Variants in SHPK observed in about 807,000 individuals in gnomAD.
The protein encoded by SHPK is carbohydrate kinase-like protein.
SHPK carries 51 observed loss-of-function variants against 46.3 expected under a neutral mutation model. The ratio of observed to expected loss-of-function variants is 1.10; its 90% CI spans 0.88 to 1.39. SHPK has a LOEUF of 1.39. Among genes scored for constraint, SHPK ranks in the 40% most tolerant of loss-of-function variants. The probability of loss-of-function intolerance (pLI) is 0.00; values close to 1 mark genes in which losing one functional copy is unlikely to be tolerated. For synonymous variants in SHPK, 290 were observed against 273.9 expected, an observed-to-expected ratio of 1.06 and a Z score of -0.58; for missense variants, 668 against 641.3, an observed-to-expected ratio of 1.04 and a Z score of -0.45.
intron 5 of SHPK, among the ~76,000 whole-genome samples, chr17:3,615,978 C>A (rs147778962): frequency 0.014 from 2,100 of 151,606 alleles, 40 homozygotes; most frequent in East Asian, 0.071. Flanking sequence ...CTCAACCTCT[C>A]AAGTAGCTGC....
chr17:3,619,581 A>T (rs979641620), intron 5 of SHPK: 6 of 442,226 alleles, frequency 1.4e-5, no homozygotes, highest in African/African-American at 6.1e-5. Flanking sequence ...AAAAATGCAA[A>T]CATTAACCAG....
intron 2 of SHPK, among the ~76,000 whole-genome samples, chr17:3,629,498 C>T (rs1487333738): frequency 6.6e-6 from 1 of 151,996 alleles, no homozygotes; most frequent in African/African-American, 2.4e-5. Context: ...TGGGAGGCTG[C>T]CGGTGGATCA....
chr17:3,625,960 G>C (rs1457054830), intron 2 of SHPK, among the ~76,000 whole-genome samples: 2 of 152,152 alleles, frequency 1.3e-5, no homozygotes, highest in Non-Finnish European at 2.9e-5. Context: ...GGCTGAGGCA[G>C]GAGAATCGCT....
chr17:3,635,240 A>AGGAAGGAAGGAAGGAAGGGAG (rs1555556012), intron 1 of SHPK, among the ~76,000 whole-genome samples: 2 of 140,248 alleles, frequency 1.4e-5, no homozygotes, highest in East Asian at 2.4e-4. Context: ...GAAGGAAGGA[A>AGGAAGGAAGGAAGGAAGGGAG]GGAAGGGAAG....
chr17:3,615,566 C>T, intron 5 of SHPK, 29 bp from the exon 6 acceptor site: 1 of 1,604,156 alleles, frequency 6.2e-7, no homozygotes, highest in Non-Finnish European at 8.5e-7. Context: ...AGAGCTTAGG[C>T]CTGTCGGGCT....
chr17:3,615,154 G>A lies in SHPK; in HGVS notation c.1024+183C>T, dbSNP rs551607681. Among the ~76,000 whole-genome samples, 3 of 152,248 alleles carry A rather than the reference G, an allele frequency of 2.0e-5. No homozygotes were observed. The South Asian group carries it at 6.2e-4, about 32-fold the overall frequency. ...AAGAGTAGGTGATGGCAGCTTGGAG[G>A]ACAAGAAGAAAAGAGGCTGCAAGCT... is the stretch of plus-strand genomic sequence containing the variant. On this transcript the variant is annotated intron_variant, in intron 6 of 6. Transcript: ENST00000225519.
chr17:3,621,310 C>G lies in SHPK; in HGVS notation c.750G>C (p.Gly250=). 6.2e-7 allele frequency: 1 copy of G among 1,614,124 alleles called. No individual in the cohort carries two copies. Among genetic ancestry groups the G allele is most frequent in the South Asian group, 1.1e-5 (1 of 91,076 alleles). The part of the protein sequence containing the change: ...TSHMWFEIPK[G]TQVGVALGDL... ...CACCCAAGGCCACTCCCACCTGCGTCCCCTTTGGGATTTCAAACCACATGT... is the reference window on the plus strand; with the variant it reads ...CACCCAAGGCCACTCCCACCTGCGTGCCCTTTGGGATTTCAAACCACATGT... The change falls in exon 5 of 7, where the codon GGG becomes GGC. Residue 250 remains glycine (G), a synonymous_variant. Coordinates refer to ENST00000225519, the MANE Select transcript of SHPK (RefSeq NM_013276.4).
chr17:3,620,431 T>C (rs1044284674), intron 5 of SHPK, among the ~76,000 whole-genome samples: 14 of 151,848 alleles, frequency 9.2e-5, no homozygotes, highest in African/African-American at 2.9e-4. Flanking sequence ...TGGCTAATTT[T>C]TTCTATTTTT....
chr17:3,635,860 GGGAA>G (rs1490427212), intron 1 of SHPK, among the ~76,000 whole-genome samples, 188 bp downstream of exon 1: 2 of 152,182 alleles, frequency 1.3e-5, no homozygotes, highest in Non-Finnish European at 2.9e-5. Context: ...CCCAGCAGGT[GGGAA>G]GGATTCTGGG....
At chr17:3,629,343 C>T (rs2075456376) in intron 2 of SHPK, among the ~76,000 whole-genome samples, 1 of 152,102 alleles carries the variant, frequency 6.6e-6, no homozygotes, top group African/African-American at 2.4e-5. Flanking sequence ...AGGTTCTCCT[C>T]CTCAAGGCCA....
At chr17:3,618,609 G>A (rs931793176) in intron 5 of SHPK, among the ~76,000 whole-genome samples, 5 of 152,012 alleles carry the variant, frequency 3.3e-5, no homozygotes, top group African/African-American at 9.6e-5. Context: ...GTGAAACCCT[G>A]TCTCTACTAA....
chr17:3,620,602 G>A lies in SHPK; in HGVS notation c.823+635C>T, dbSNP rs185256356. ...TTTTGAGATGGAGTCTCGCTCTGTC[G>A]TCAGGCTGGAGTGCAGTGATGTGAT... is the stretch of plus-strand genomic sequence containing the variant. On this transcript the variant is annotated intron_variant, in intron 5 of 6. Coordinates refer to ENST00000225519, the MANE Select transcript of SHPK (RefSeq NM_013276.4). Among the ~76,000 whole-genome samples the A allele has an allele frequency of 2.8e-4, 42 of 148,826 alleles. No individual in the cohort carries two copies. In the East Asian group the frequency reaches 5.1e-3, roughly 18 times the overall value.
intron 4 of SHPK, among the ~76,000 whole-genome samples, chr17:3,622,935 C>T (rs554601620): frequency 1.3e-5 from 2 of 152,204 alleles, no homozygotes; most frequent in East Asian, 3.9e-4. Flanking sequence ...GAACTCCTGA[C>T]CTCAGGTGAT....
chr17:3,624,335 G>A lies in SHPK; in HGVS notation c.311-104C>T, dbSNP rs183092741. ...GTGAGTGACAAAATATGTGCGAATCGTCCCATGATAAAGCCTGGCACACCT... is the reference window on the plus strand; with the variant it reads ...GTGAGTGACAAAATATGTGCGAATCATCCCATGATAAAGCCTGGCACACCT... On this transcript the variant is annotated intron_variant, in intron 2 of 6. Transcript: ENST00000225519. The A allele has an allele frequency of 6.0e-5, 65 of 1,088,754 alleles. No individual in the cohort carries two copies. The Admixed American group carries it at 1.0e-3, about 17-fold the overall frequency. 67.4% of individuals were successfully genotyped at this position (1,088,754 alleles called of 1,614,324 possible).
intron 1 of SHPK, among the ~76,000 whole-genome samples, chr17:3,631,150 G>A (rs1352310339): frequency 6.6e-6 from 1 of 152,130 alleles, no homozygotes; most frequent in Non-Finnish European, 1.5e-5. Context: ...GGGAGGAGAG[G>A]AGGGGTAGGA....
chr17:3,623,157 G>A (rs1445376588), intron 4 of SHPK, among the ~76,000 whole-genome samples, 182 bp downstream of exon 4: 1 of 152,198 alleles, frequency 6.6e-6, no homozygotes, highest in Non-Finnish European at 1.5e-5. Context: ...GCTCAGGGCT[G>A]TGCTTACACT....
intron 1 of SHPK, among the ~76,000 whole-genome samples, chr17:3,632,506 G>A (rs569233884): frequency 2.0e-5 from 3 of 152,132 alleles, no homozygotes; most frequent in Non-Finnish European, 4.4e-5. Flanking sequence ...TGAGTTGTGT[G>A]GGGGGAGACA....
In SHPK at chr17:3,625,622, C is replaced by T. The variant is rs1015934005; in HGVS notation, c.311-1391G>A. ...CAGTTGAACACTAACAAGCAACCTCCACCACCACCATGCAGAAGCAGCAGT... is the reference window on the plus strand; with the variant it reads ...CAGTTGAACACTAACAAGCAACCTCTACCACCACCATGCAGAAGCAGCAGT... On this transcript the variant is annotated intron_variant, in intron 2 of 6. Coordinates refer to ENST00000225519, the MANE Select transcript of SHPK (RefSeq NM_013276.4). Among the ~76,000 whole-genome samples, 4 of 152,136 alleles carry T rather than the reference C, an allele frequency of 2.6e-5. No individual in the cohort carries two copies. In the East Asian group the frequency reaches 7.7e-4, roughly 29 times the overall value.
At chr17:3,633,537 G>A (rs914430937) in intron 1 of SHPK, among the ~76,000 whole-genome samples, 1 of 152,040 alleles carries the variant, frequency 6.6e-6, no homozygotes, top group African/African-American at 2.4e-5. Context: ...TCACAGCAGT[G>A]CTGTTTGTCC....
Sources: allele counts gnomAD v4.1 joint callset (sites outside exome capture counted in the v4.1 genomes callset), GRCh38; gene constraint gnomAD v4.1.1; transcripts MANE v1.5; gene names NCBI Gene and HGNC (gene_info 2026-07-23, HGNC 2026-07-21).